Variants in NLRP1 observed in about 807,000 individuals in gnomAD.
The protein encoded by NLRP1 is NACHT, LRR and PYD domains-containing protein 1.
In NLRP1, 94 loss-of-function variants were observed where a neutral mutation model predicts 136.7. That is an observed-to-expected ratio of 0.69 (90% confidence interval 0.58 to 0.82). The LOEUF (loss-of-function observed/expected upper bound fraction) is 0.82, where lower values mean the gene tolerates loss of function less well. NLRP1 is among the 40% of genes least tolerant of loss of function. The pLI is 0.00. For synonymous variants in NLRP1, 690 were observed against 725.1 expected (o/e 0.95, Z 0.78); for missense variants, 1,575 against 1,802.7 (o/e 0.87, Z 2.29).
chr17:5,506,792 C>T (rs1290893484), intron 15 of NLRP1, among the ~76,000 whole-genome samples: 4 of 149,762 alleles, frequency 2.7e-5, no homozygotes, highest in African/African-American at 9.8e-5. Flanking sequence ...ATCCCAGCTA[C>T]TTGGGAGGCT....
At chr17:5,553,645 T>TC in intron 4 of NLRP1, 89 bp from the exon 5 acceptor site, 1 of 1,247,726 alleles carries the variant, frequency 8.0e-7, no homozygotes, top group Non-Finnish European at 1.1e-6. Flanking sequence ...TTGGGCTTTG[T>TC]CCCCCTGAGC....
chr17:5,522,378 C>T (rs1399311100), intron 12 of NLRP1, among the ~76,000 whole-genome samples: 1 of 152,184 alleles, frequency 6.6e-6, no homozygotes, highest in Admixed American at 6.5e-5. Context: ...AAAAGAGACT[C>T]AAGGGAGCTT....
chr17:5,501,969 C>T (rs1053650733), intron 15 of NLRP1: 3 of 1,098,468 alleles, frequency 2.7e-6, no homozygotes, highest in African/African-American at 3.1e-5. Context: ...AAATCCAACT[C>T]AAACTGCCAT....
intron 3 of NLRP1, among the ~76,000 whole-genome samples, chr17:5,561,949 G>A (rs1597463528): frequency 6.6e-6 from 1 of 152,138 alleles, no homozygotes; most frequent in African/African-American, 2.4e-5. Flanking sequence ...AAGGCAGGGT[G>A]GGTGACTCCA....
intron 5 of NLRP1, among the ~76,000 whole-genome samples, chr17:5,553,017 T>A (rs1020270347): frequency 5.9e-5 from 7 of 118,750 alleles, no homozygotes; most frequent in African/African-American, 1.8e-4. Flanking sequence ...TGTAGCCTTA[T>A]CTCAACCCTT....
Position 5,558,424 on chromosome 17 carries a change from T to C in NLRP1, c.2272A>G (p.Ile758Val), listed in dbSNP as rs1300542743. The C allele has an allele frequency of 2.5e-6, 4 of 1,614,158 alleles. No homozygotes were observed. The highest frequency in any genetic ancestry group is 1.7e-5 in the Admixed American group (1 of 60,020). Residue 758 changes from isoleucine to valine, a missense_variant, in exon 4 of 17, where the codon ATT (isoleucine) becomes GTT (valine). Physicochemically the swap from Ile to Val is conservative, Grantham distance 29. Transcript: ENST00000572272. Reference protein sequence around the residue: ...DMELLVCTFCIKFSRHVKKLQ... With the variant: ...DMELLVCTFCVKFSRHVKKLQ... The stretch of plus-strand genomic sequence containing the variant: ...TTCTTCACGTGGCGGCTGAATTTAA[T>C]GCAGAAAGTGCACACTAAGAGCTCC...
intron 8 of NLRP1, 95 bp from the exon 9 acceptor site, chr17:5,534,083 C>G: frequency 1.2e-6 from 1 of 866,970 alleles, no homozygotes; most frequent in Non-Finnish European, 2.0e-6. Flanking sequence ...CTCCTCGGGT[C>G]GGGTGCAGTG....
rs767399315 is a variant in NLRP1 at position 5,559,988 on chromosome 17, C to G, written c.708G>C (p.Ala236=). The change falls in exon 4 of 17, where the codon GCG becomes GCC. Residue 236 remains alanine, a synonymous_variant. Transcript: ENST00000572272. ...KSEKGRPPWA[A]VVGTPPQAHT... ...GCGCCTGTGGGGGCGTTCCTACCAC[C>G]GCTGCCCATGGGGGCCTGCCTTTCT... The G allele has an allele frequency of 5.0e-6, 8 of 1,606,208 alleles. No individual in the cohort carries two copies. The East Asian group carries it at 1.6e-4, about 31-fold the overall frequency.
At chr17:5,517,312 A>G (rs1908240234) in intron 15 of NLRP1, among the ~76,000 whole-genome samples, 1 of 131,198 alleles carries the variant, frequency 7.6e-6, no homozygotes, top group African/African-American at 2.9e-5. Context: ...CCTGTGGGCT[A>G]TTTCTTCTCA....
chr17:5,552,326 T>G (rs1283396723), intron 5 of NLRP1, among the ~76,000 whole-genome samples: 1 of 152,186 alleles, frequency 6.6e-6, no homozygotes, highest in Non-Finnish European at 1.5e-5. Flanking sequence ...TATTGTTGAT[T>G]TCTAATTTCA....
chr17:5,549,670 C>T (rs1327555823), intron 5 of NLRP1, among the ~76,000 whole-genome samples: 2 of 152,196 alleles, frequency 1.3e-5, no homozygotes, highest in Non-Finnish European at 1.5e-5. Context: ...TCTTTTCAAT[C>T]TGGAAGCTGT....
At chr17:5,502,557 C>A (rs2151725543) in intron 15 of NLRP1, 1 of 153,728 alleles carries the variant, frequency 6.5e-6, no homozygotes, top group East Asian at 1.9e-4. Context: ...TCCCAAACTG[C>A]TGGGATTACT....
intron 3 of NLRP1, among the ~76,000 whole-genome samples, chr17:5,571,543 A>C (rs1183299145): frequency 6.6e-6 from 1 of 152,186 alleles, no homozygotes; most frequent in Non-Finnish European, 1.5e-5. Flanking sequence ...TCTAACCAGG[A>C]TTGTGAAAGA....
chr17:5,550,308 G>A (rs1479597898), intron 5 of NLRP1, among the ~76,000 whole-genome samples: 1 of 152,160 alleles, frequency 6.6e-6, no homozygotes, highest in Non-Finnish European at 1.5e-5. Flanking sequence ...GAATTCACTA[G>A]TAAAGCCATC....
At chr17:5,520,837 A>G in intron 14 of NLRP1, 44 bp downstream of exon 14, 1 of 1,492,954 alleles carries the variant, frequency 6.7e-7, no homozygotes, top group Non-Finnish European at 9.0e-7. Context: ...ATTCCCAGGT[A>G]GGACTTCTGT....
chr17:5,569,252 A>G (rs1159901692), intron 3 of NLRP1, among the ~76,000 whole-genome samples: 1 of 152,214 alleles, frequency 6.6e-6, no homozygotes, highest in Admixed American at 6.5e-5. Context: ...ACATGATGAC[A>G]GGATTAAACT....
intron 5 of NLRP1, among the ~76,000 whole-genome samples, chr17:5,545,736 T>G (rs534637983): frequency 6.6e-6 from 1 of 152,310 alleles, no homozygotes; most frequent in South Asian, 2.1e-4. Context: ...CTGTGCTCAC[T>G]GCCTGTGGCT....
chr17:5,555,036 C>G (rs1328199386), intron 4 of NLRP1, among the ~76,000 whole-genome samples: 2 of 151,644 alleles, frequency 1.3e-5, no homozygotes, highest in East Asian at 3.9e-4. Flanking sequence ...CACACACACA[C>G]ACACACACAC....
chr17:5,570,445 G>A (rs909864732), intron 3 of NLRP1, among the ~76,000 whole-genome samples: 4 of 151,764 alleles, frequency 2.6e-5, no homozygotes, highest in Non-Finnish European at 1.5e-5. Flanking sequence ...CATTGACCCC[G>A]TGGAAATATA....
Sources: allele counts gnomAD v4.1 joint callset (sites outside exome capture counted in the v4.1 genomes callset), GRCh38; gene constraint gnomAD v4.1.1; transcripts MANE v1.5; gene names NCBI Gene and HGNC (gene_info 2026-07-23, HGNC 2026-07-21).